Variants in ATP11A observed in about 807,000 individuals in gnomAD.
ATP11A encodes phospholipid-transporting ATPase IH.
In ATP11A, 81 loss-of-function variants were observed where a neutral mutation model predicts 154.4. That is an observed-to-expected ratio of 0.52 (90% CI 0.44 to 0.63). The LOEUF (loss-of-function observed/expected upper bound fraction) is 0.63. Ranked by LOEUF, ATP11A falls within the 30% of genes least tolerant of loss-of-function variation. The pLI is 0.00. For synonymous variants in ATP11A, 623 were observed against 585.9 expected (o/e 1.06, Z -0.91); for missense variants, 1,316 against 1,474.3 (o/e 0.89, Z 1.76).
intron 1 of ATP11A, among the ~76,000 whole-genome samples, chr13:112,763,886 T>A (rs2139892752): frequency 6.6e-6 from 1 of 152,252 alleles, no homozygotes; most frequent in South Asian, 2.1e-4. Flanking sequence ...CACTTCTGTC[T>A]CCCTAAAATG....
At chr13:112,693,034 T>C (rs1885377300) in intron 1 of ATP11A, among the ~76,000 whole-genome samples, 1 of 152,252 alleles carries the variant, frequency 6.6e-6, no homozygotes, top group Non-Finnish European at 1.5e-5. Context: ...CTCCTTCTGA[T>C]GTGTGAGGGT....
At chr13:112,857,990 G>A in intron 21 of ATP11A, 70 bp downstream of exon 21, 1 of 1,579,914 alleles carries the variant, frequency 6.3e-7, no homozygotes, top group Non-Finnish European at 8.7e-7. Flanking sequence ...AAGGCCCATG[G>A]CAGCACGCAG....
At chr13:112,837,062 G>A (rs945738693) in intron 16 of ATP11A, among the ~76,000 whole-genome samples, 2 of 152,180 alleles carry the variant, frequency 1.3e-5, no homozygotes, top group Admixed American at 6.5e-5. Flanking sequence ...TCAGGCTCCC[G>A]CCCACAGTGC....
At position 112,880,471 on chromosome 13, in the gene ATP11A, G is replaced by A; in HGVS notation, c.*10-1405G>A. The A allele has an allele frequency of 5.8e-6, 7 of 1,202,258 alleles. No homozygotes were observed. The Admixed American group carries it at 1.0e-4, about 17-fold the overall frequency. The allele number at this position is 1,202,258 out of a possible 1,614,324, so 74.5% of individuals were successfully genotyped here. A position where few individuals can be genotyped will look rare whatever the true frequency, so the allele number is the denominator to read the frequency against. On this transcript the variant is annotated intron_variant, in intron 29 of 29. Coordinates refer to ENST00000375645, the MANE Select transcript of ATP11A (RefSeq NM_015205.3). ...TCTTCCTGCTGGGGTCCCACGGATG[G>A]TGCAGGCAGAGGCCCGAGCACTCCT...
intron 1 of ATP11A, among the ~76,000 whole-genome samples, chr13:112,777,291 T>C (rs2077372150): frequency 1.3e-5 from 2 of 152,182 alleles, no homozygotes; most frequent in Non-Finnish European, 2.9e-5. Flanking sequence ...AGGCTGGGCA[T>C]GGTGGCTCAC....
intron 1 of ATP11A, among the ~76,000 whole-genome samples, chr13:112,774,640 C>A (rs2077302792): frequency 6.6e-6 from 1 of 152,250 alleles, no homozygotes; most frequent in Admixed American, 6.5e-5. Flanking sequence ...AGAGCGGTTG[C>A]AAGACCCAGA....
intron 16 of ATP11A, among the ~76,000 whole-genome samples, chr13:112,837,575 G>C (rs757363916): frequency 6.6e-6 from 1 of 152,188 alleles, no homozygotes; most frequent in Non-Finnish European, 1.5e-5. Context: ...TTCATTAAGA[G>C]CTGTGGGATC....
In ATP11A at chr13:112,788,777, G is replaced by A. The variant is rs575602805; in HGVS notation, c.162+3520G>A. Among the ~76,000 whole-genome samples, 26 of 128,634 alleles carry A rather than the reference G, an allele frequency of 2.0e-4. No homozygotes were observed. In the South Asian group the frequency reaches 2.1e-3, roughly 11 times the overall value. The allele number at this position is 128,634 out of a possible 152,430, so 84.4% of individuals were successfully genotyped here. The stretch of plus-strand genomic sequence containing the variant: ...TATTTAATTCACACCGGGTGTCCTG[G>A]CGTGTAAACCCCTGTGTAGATCTAC... On this transcript the variant is annotated intron_variant, in intron 2 of 29. Coordinates refer to ENST00000375645, the MANE Select transcript of ATP11A (RefSeq NM_015205.3).
chr13:112,758,146 A>G (rs1220488052), intron 1 of ATP11A, among the ~76,000 whole-genome samples: 1 of 149,838 alleles, frequency 6.7e-6, no homozygotes, highest in Admixed American at 6.6e-5. Flanking sequence ...ATTGCAACCT[A>G]CACTTCCCAG....
At chr13:112,764,392 G>A (rs972701226) in intron 1 of ATP11A, among the ~76,000 whole-genome samples, 1 of 152,234 alleles carries the variant, frequency 6.6e-6, no homozygotes, top group African/African-American at 2.4e-5. Context: ...TGTTCCTTAC[G>A]ATTTCATGGA....
Position 112,746,674 on chromosome 13 carries a change from T to C in ATP11A, c.40-38461T>C, listed in dbSNP as rs1892194914. ...GATCCTCCCACCTCAGTCTCCCCAG[T>C]AGCTGGGATCACAGGCGTGCACCAC... On this transcript the variant is annotated intron_variant, in intron 1 of 29. Transcript: ENST00000375645. The surrounding 1 kb of genome is among the most constrained non-coding windows in gnomAD (Gnocchi z 4.1). 1 of 145,830 alleles carries C rather than the reference T, an allele frequency of 6.9e-6. No homozygotes were observed. The highest frequency in any genetic ancestry group is 1.5e-5 in the Non-Finnish European group (1 of 67,034). The allele number at this position is 145,830 out of a possible 1,614,324, so 9.0% of individuals were successfully genotyped here. A position where few individuals can be genotyped will look rare whatever the true frequency, so the allele number is the denominator to read the frequency against.
intron 1 of ATP11A, among the ~76,000 whole-genome samples, chr13:112,750,610 G>A (rs2076667821): frequency 2.0e-5 from 3 of 150,614 alleles, no homozygotes; most frequent in Admixed American, 1.3e-4. Context: ...ATCCTCCCAC[G>A]TGGGGACACG....
chr13:112,718,198 G>A (rs904469121), intron 1 of ATP11A, among the ~76,000 whole-genome samples: 3 of 144,158 alleles, frequency 2.1e-5, no homozygotes, highest in African/African-American at 7.7e-5. Flanking sequence ...AATTTATTTT[G>A]CTTTTCCGTA....
intron 1 of ATP11A, among the ~76,000 whole-genome samples, chr13:112,693,154 G>C (rs1885387415): frequency 6.6e-6 from 1 of 152,234 alleles, no homozygotes; most frequent in Non-Finnish European, 1.5e-5. Context: ...TGAAGGTTAG[G>C]CCAGGGTAGC....
intron 2 of ATP11A, among the ~76,000 whole-genome samples, chr13:112,791,878 C>T (rs1159539492): frequency 2.0e-5 from 3 of 152,134 alleles, no homozygotes; most frequent in Non-Finnish European, 4.4e-5. Context: ...TTTGAGAAGC[C>T]GTAAGTCTCC....
At chr13:112,832,347 A>G (rs1442991859) in intron 13 of ATP11A, among the ~76,000 whole-genome samples, 5 of 152,206 alleles carry the variant, frequency 3.3e-5, no homozygotes, top group African/African-American at 9.7e-5. Context: ...GCGCAGGATA[A>G]TAGCTCCAAC....
Position 112,880,118 on chromosome 13 carries a change from G to A in ATP11A, c.*10-1758G>A, listed in dbSNP as rs1002787712. Among the ~76,000 whole-genome samples the A allele has an allele frequency of 6.6e-5, 10 of 152,332 alleles. No individual in the cohort carries two copies. The East Asian group carries it at 1.7e-3, about 26-fold the overall frequency. On this transcript the variant is annotated intron_variant, in intron 29 of 29. Transcript: ENST00000375645. Reference sequence around the variant, plus strand: ...GGCTACAAGATCTCAGTGGAGTTCTGTGAGCACGCTGGACTCAGGAAAGTC... The same window carrying A: ...GGCTACAAGATCTCAGTGGAGTTCTATGAGCACGCTGGACTCAGGAAAGTC...
chr13:112,842,180 T>G, intron 16 of ATP11A, 96 bp from the exon 17 acceptor site: 1 of 950,330 alleles, frequency 1.1e-6, no homozygotes, highest in Non-Finnish European at 1.6e-6. Flanking sequence ...CACACTGCTA[T>G]CCCTGTTTTT....
chr13:112,878,621 G>C (rs1309383577), intron 29 of ATP11A, among the ~76,000 whole-genome samples: 1 of 152,238 alleles, frequency 6.6e-6, no homozygotes, highest in Non-Finnish European at 1.5e-5. Context: ...ACAGGTGTCA[G>C]AGGGGTTCCT....
Sources: gnomAD v4.1 joint callset for allele counts (sites outside exome capture counted in the v4.1 genomes callset) on GRCh38, gnomAD v4.1.1 for gene constraint, Gnocchi (gnomAD v3.1) non-coding constraint, MANE v1.5 for transcripts, NCBI Gene and HGNC (gene_info 2026-07-23, HGNC 2026-07-21) for gene names.